Variants in ABCC4 observed in about 807,000 individuals in gnomAD.
ABCC4 encodes ATP-binding cassette sub-family C member 4.
In ABCC4, 102 loss-of-function variants were observed where a neutral mutation model predicts 168.5. The ratio of observed to expected loss-of-function variants is 0.61; its 90% CI spans 0.52 to 0.71. The LOEUF is 0.71. Among genes scored for constraint, ABCC4 ranks in the 30% least tolerant of loss-of-function variants. ABCC4 has a pLI of 0.00. For synonymous variants in ABCC4, 617 were observed against 590.7 expected (o/e 1.04, Z -0.65); for missense variants, 1,402 against 1,605.8 (o/e 0.87, Z 2.17).
intron 19 of ABCC4, among the ~76,000 whole-genome samples, chr13:95,117,996 T>C (rs2035438578): frequency 6.6e-6 from 1 of 152,166 alleles, no homozygotes; most frequent in Non-Finnish European, 1.5e-5. Context: ...CTTGACCATT[T>C]GGGAGCATCT....
At chr13:95,218,210 C>G (rs2039178292) in intron 4 of ABCC4, among the ~76,000 whole-genome samples, 1 of 152,156 alleles carries the variant, frequency 6.6e-6, no homozygotes, top group Admixed American at 6.5e-5. Context: ...TCACTTGAAG[C>G]AGAAAATTGC....
intron 5 of ABCC4, among the ~76,000 whole-genome samples, chr13:95,209,804 G>A (rs1410660414): frequency 1.3e-5 from 2 of 152,236 alleles, no homozygotes; most frequent in African/African-American, 2.4e-5. Flanking sequence ...TGGGAGACTC[G>A]CAAGAGAATC....
intron 1 of ABCC4, among the ~76,000 whole-genome samples, chr13:95,295,323 A>C (rs6492777): frequency 0.39 from 59,703 of 151,614 alleles, 12,174 homozygotes; most frequent in East Asian, 0.52. Context: ...TAAGACCAAC[A>C]TGGGCAACAC....
At chr13:95,126,473 T>C (rs945958555) in intron 19 of ABCC4, among the ~76,000 whole-genome samples, 2 of 151,902 alleles carry the variant, frequency 1.3e-5, no homozygotes, top group Non-Finnish European at 2.9e-5. Context: ...GTATATGTAA[T>C]ACTCAAAAAT....
chr13:95,037,257 AC>A (rs1185789712), intron 29 of ABCC4, among the ~76,000 whole-genome samples: 2 of 152,152 alleles, frequency 1.3e-5, no homozygotes, highest in Non-Finnish European at 2.9e-5. Flanking sequence ...CAATGAAAGC[AC>A]CCCATAACTA....
chr13:95,056,833 G>C (rs576007358), intron 26 of ABCC4, among the ~76,000 whole-genome samples: 11 of 152,162 alleles, frequency 7.2e-5, no homozygotes, highest in Non-Finnish European at 1.5e-4. Context: ...AAACAAAAAA[G>C]TCCATCAAAT....
intron 19 of ABCC4, among the ~76,000 whole-genome samples, chr13:95,124,859 CA>C (rs1344898427): frequency 6.7e-6 from 1 of 150,170 alleles, no homozygotes; most frequent in Non-Finnish European, 1.5e-5. Context: ...GGCTGGGTGA[CA>C]GAGTGAGACT....
At chr13:95,035,866 G>A (rs755658101) in intron 29 of ABCC4, among the ~76,000 whole-genome samples, 1 of 152,140 alleles carries the variant, frequency 6.6e-6, no homozygotes, top group Non-Finnish European at 1.5e-5. Context: ...CTCCAAGCAG[G>A]ACACAGGTTG....
At chr13:95,030,265 C>T (rs2031813672) in intron 30 of ABCC4, among the ~76,000 whole-genome samples, 1 of 152,100 alleles carries the variant, frequency 6.6e-6, no homozygotes, top group Non-Finnish European at 1.5e-5. Context: ...AAGTGATATA[C>T]CCGCCTCAAC....
intron 1 of ABCC4, among the ~76,000 whole-genome samples, chr13:95,293,151 C>T (rs913599665): frequency 3.9e-5 from 6 of 151,982 alleles, no homozygotes; most frequent in Non-Finnish European, 8.8e-5. Context: ...AACCCCTCCC[C>T]AGAGATCTCC....
chr13:95,054,020 CCTTTTTTTTTTTTTTTTTTT>C (rs1286574975), intron 26 of ABCC4: 1 of 73,168 alleles, frequency 1.4e-5, no homozygotes, highest in Non-Finnish European at 2.4e-5. Context: ...AATGGGACAT[CCTTTTTTTTTTTTTTTTTTT>C]TTTTTTTTTT....
intron 29 of ABCC4, among the ~76,000 whole-genome samples, chr13:95,037,172 A>G (rs960272120): frequency 1.8e-4 from 27 of 152,084 alleles, no homozygotes; most frequent in Non-Finnish European, 4.4e-5. Flanking sequence ...GCTGCAGATG[A>G]ATCTGCAAGA....
intron 1 of ABCC4, among the ~76,000 whole-genome samples, chr13:95,297,356 TC>T (rs2041563780): frequency 6.6e-6 from 1 of 151,826 alleles, no homozygotes; most frequent in South Asian, 2.1e-4. Flanking sequence ...AATGCATGAC[TC>T]CTTTTAGACT....
rs1461337343 is a variant in ABCC4, at chr13:95,206,811, C to T, written c.912-30G>A. On this transcript the variant is annotated intron_variant, in intron 7 of 30. Coordinates refer to ENST00000645237, the MANE Select transcript of ABCC4 (RefSeq NM_005845.5). Reference sequence around the variant, plus strand: ...AAGAGAGTACAGGTTTTTAAAAAAGCAGTGATGTCAACCAGATAAAGTGGC... The same window carrying T: ...AAGAGAGTACAGGTTTTTAAAAAAGTAGTGATGTCAACCAGATAAAGTGGC... 5 of 1,609,890 alleles carry T rather than the reference C, an allele frequency of 3.1e-6. No homozygotes were observed. The Admixed American group carries it at 6.7e-5, about 21-fold the overall frequency.
chr13:95,258,804 T>G lies in ABCC4; in HGVS notation c.75-11051A>C, dbSNP rs142534703. Among the ~76,000 whole-genome samples, 486 of 152,322 alleles carry G rather than the reference T, an allele frequency of 3.2e-3. 2 individuals carry two copies. In the Middle Eastern group the frequency reaches 0.034, roughly 11 times the overall value. On this transcript the variant is annotated intron_variant, in intron 1 of 30. Transcript: ENST00000645237. ...GTGCAGGTCACTTGAGGTCAGTAAA[T>G]GATTGAACAGATGCTCTAGCCTCAC...
At chr13:95,141,813 C>T (rs1291636817) in intron 19 of ABCC4, among the ~76,000 whole-genome samples, 1 of 152,196 alleles carries the variant, frequency 6.6e-6, no homozygotes, top group Non-Finnish European at 1.5e-5. Context: ...GCTGACCAGG[C>T]TGGCCTCAAA....
chr13:95,216,941 G>A (rs1181404110), intron 4 of ABCC4, among the ~76,000 whole-genome samples: 1 of 152,132 alleles, frequency 6.6e-6, no homozygotes, highest in Non-Finnish European at 1.5e-5. Flanking sequence ...AATGCTATTT[G>A]TAATATACAA....
At chr13:95,180,573 C>T (rs1291344266) in intron 11 of ABCC4, among the ~76,000 whole-genome samples, 6 of 151,680 alleles carry the variant, frequency 4.0e-5, no homozygotes, top group Non-Finnish European at 7.4e-5. Flanking sequence ...AGACAATGCA[C>T]CAGTTAACAC....
intron 1 of ABCC4, among the ~76,000 whole-genome samples, chr13:95,279,374 G>A (rs1409799267): frequency 6.6e-6 from 1 of 151,396 alleles, no homozygotes; most frequent in East Asian, 1.9e-4. Context: ...TTTAACCTCT[G>A]TGCACCTCAA....
Sources: gnomAD v4.1 joint callset for allele counts (sites outside exome capture counted in the v4.1 genomes callset) on GRCh38, gnomAD v4.1.1 for gene constraint, MANE v1.5 for transcripts, NCBI Gene and HGNC (gene_info 2026-07-23, HGNC 2026-07-21) for gene names.